The following CFAP43 variants were observed in gnomAD, a reference collection of about 807,000 sequenced individuals.
CFAP43 encodes the protein cilia and flagella associated protein 43, also known as cilia- and flagella-associated protein 43.
CFAP43 carries 155 observed loss-of-function variants against 218.9 expected under a neutral mutation model. That is an observed-to-expected ratio of 0.71 (90% CI 0.62 to 0.81). The LOEUF (loss-of-function observed/expected upper bound fraction) is 0.81, where lower values mean the gene tolerates loss of function less well. CFAP43 is among the 30% of genes least tolerant of loss of function. The probability of loss-of-function intolerance (pLI) is 0.00; values close to 1 mark genes in which losing one functional copy is unlikely to be tolerated. For synonymous variants in CFAP43, 645 were observed against 681.3 expected (o/e 0.95, Z 0.83); for missense variants, 1,778 against 1,954.3 (o/e 0.91, Z 1.70).
At chr10:104,135,621 C>T (rs1264036177) in intron 34 of CFAP43, among the ~76,000 whole-genome samples, 1 of 151,976 alleles carries the variant, frequency 6.6e-6, no homozygotes, top group Non-Finnish European at 1.5e-5. Context: ...TAAATCAATT[C>T]CATTTACAAT....
intron 4 of CFAP43, 101 bp from the exon 5 acceptor site, chr10:104,212,258 T>C: frequency 8.3e-7 from 1 of 1,204,590 alleles, no homozygotes; most frequent in Non-Finnish European, 1.1e-6. Context: ...GTATTATAAC[T>C]TGCAAAAATC....
At chr10:104,191,178 G>A (rs1322717355) in intron 12 of CFAP43, among the ~76,000 whole-genome samples, 3 of 152,028 alleles carry the variant, frequency 2.0e-5, no homozygotes, top group Admixed American at 1.3e-4. Context: ...CTCTAAAAAC[G>A]AAGTCAAATC....
chr10:104,232,100 C>CGGAGGGAGA, intron 1 of CFAP43, 82 bp downstream of exon 1: 1 of 1,490,544 alleles, frequency 6.7e-7, no homozygotes. Context: ...CCTAAGGAAC[C>CGGAGGGAGA]GGAGGGAGAG....
Position 104,232,330 on chromosome 10 carries a change from G to A in CFAP43, c.-84C>T. The stretch of plus-strand genomic sequence containing the variant: ...GTTACCTTTCCGCCGCCGCGGGGCT[G>A]CGGGCCGCGACGCCGCTGCTGTGTA... On this transcript the variant is annotated 5_prime_UTR_variant, in exon 1 of 38. Transcript: ENST00000357060. 7.3e-7 allele frequency: 1 copy of A among 1,366,702 alleles called. No individual in the cohort carries two copies. The allele number at this position is 1,366,702 out of a possible 1,614,324, so 84.7% of individuals were successfully genotyped here. A position where few individuals can be genotyped will look rare whatever the true frequency, so the allele number is the denominator to read the frequency against.
chr10:104,161,198 A>C, intron 26 of CFAP43, 36 bp from the exon 27 acceptor site: 1 of 1,606,100 alleles, frequency 6.2e-7, no homozygotes, highest in Non-Finnish European at 8.5e-7. Flanking sequence ...TTTCAGCTCA[A>C]ACGTTAAATG....
At chr10:104,164,421 G>A in intron 23 of CFAP43, 121 bp from the exon 24 acceptor site, 1 of 712,326 alleles carries the variant, frequency 1.4e-6, no homozygotes, top group Non-Finnish European at 2.2e-6. Flanking sequence ...TTTTTGAGAT[G>A]CAGTCTCGCT....
At chr10:104,166,856 G>T in intron 22 of CFAP43, 138 bp from the exon 23 acceptor site, 1 of 712,376 alleles carries the variant, frequency 1.4e-6, no homozygotes, top group Non-Finnish European at 2.3e-6. Flanking sequence ...TCGAAGTGAT[G>T]AATAGATCCC....
intron 2 of CFAP43, 57 bp downstream of exon 2, chr10:104,230,533 T>A: frequency 1.3e-6 from 2 of 1,550,874 alleles, no homozygotes; most frequent in African/African-American, 1.4e-5. Context: ...ATAGATTTAG[T>A]CAACTCTTTA....
chr10:104,132,744 T>G (rs954178094), intron 35 of CFAP43: 1 of 984,850 alleles, frequency 1.0e-6, no homozygotes, highest in African/African-American at 1.8e-5. Context: ...CTTTATTTTC[T>G]CATTCATTAA....
rs1564794850 is a variant in CFAP43 at position 104,203,752 on chromosome 10, C to T, written c.1015G>A (p.Asp339Asn). The T allele has an allele frequency of 1.2e-6, 2 of 1,610,658 alleles. No homozygotes were observed. Among genetic ancestry groups the T allele is most frequent in the Non-Finnish European group, 1.7e-6 (2 of 1,178,552 alleles). Residue 339 changes from aspartate (D) to asparagine (N), a missense_variant, in exon 8 of 38, where the codon GAT becomes AAT. Transcript: ENST00000357060. Reference sequence around the variant, plus strand: ...ACAGGTCTTTCAATCTCAAGAAAATCCTCGATCATGTAACTTCTATCTTTA... The same window carrying T: ...ACAGGTCTTTCAATCTCAAGAAAATTCTCGATCATGTAACTTCTATCTTTA... ...IIKDRSYMIE[D>N]FLEIERPVEH...
At chr10:104,195,148 C>T in intron 10 of CFAP43, among the ~76,000 whole-genome samples, 1 of 152,230 alleles carries the variant, frequency 6.6e-6, no homozygotes, top group Non-Finnish European at 1.5e-5. Flanking sequence ...TGACACTGTG[C>T]TGCTGGACTG....
intron 17 of CFAP43, among the ~76,000 whole-genome samples, chr10:104,180,172 C>G (rs1441295430): frequency 1.3e-5 from 2 of 152,264 alleles, no homozygotes; most frequent in Admixed American, 1.3e-4. Flanking sequence ...ACCAGTCACA[C>G]TGTCACCACT....
chr10:104,151,500 C>A (rs1336293639), intron 28 of CFAP43, among the ~76,000 whole-genome samples: 3 of 152,080 alleles, frequency 2.0e-5, no homozygotes, highest in Non-Finnish European at 2.9e-5. Flanking sequence ...ATCTAATGAT[C>A]AGTGATGAGC....
intron 12 of CFAP43, among the ~76,000 whole-genome samples, chr10:104,191,179 A>G (rs2090198988): frequency 1.3e-5 from 2 of 152,180 alleles, no homozygotes; most frequent in South Asian, 4.1e-4. Context: ...TCTAAAAACG[A>G]AGTCAAATCA....
Position 104,223,119 on chromosome 10 carries a change from C to A in CFAP43, c.416+2342G>T, listed in dbSNP as rs180945085. Among the ~76,000 whole-genome samples the A allele has an allele frequency of 2.1e-3, 319 of 152,258 alleles. 2 individuals are homozygous for A. The highest frequency in any genetic ancestry group is 1.4e-3 in the South Asian group (7 of 4,830). Reference sequence around the variant, plus strand: ...TGGTGGGCCAGATTTGGCCTATGGGCCATCGTTTACCAACCCCTGCTCAAG... The same window carrying A: ...TGGTGGGCCAGATTTGGCCTATGGGACATCGTTTACCAACCCCTGCTCAAG... On this transcript the variant is annotated intron_variant, in intron 3 of 37. Coordinates refer to ENST00000357060, the MANE Select transcript of CFAP43 (RefSeq NM_025145.7).
intron 22 of CFAP43, 144 bp downstream of exon 22, chr10:104,167,477 T>A (rs369359370): frequency 5.5e-4 from 294 of 536,740 alleles, no homozygotes; most frequent in African/African-American, 5.3e-3. Context: ...GTTATTAGAA[T>A]ATATTCTACA....
intron 27 of CFAP43, 152 bp from the exon 28 acceptor site, chr10:104,152,878 C>T (rs1383796343): frequency 1.3e-6 from 1 of 757,006 alleles, no homozygotes; most frequent in Non-Finnish European, 2.0e-6. Context: ...GAGATGCTCC[C>T]ACTTGGATCT....
At chr10:104,191,789 TG>T (rs34617952) in intron 12 of CFAP43, among the ~76,000 whole-genome samples, 8 of 145,878 alleles carry the variant, frequency 5.5e-5, no homozygotes, top group Admixed American at 2.8e-4. Context: ...ATTGTGTGTG[TG>T]GGGGGGGGGA....
At chr10:104,159,408 T>C (rs1373095072) in intron 27 of CFAP43, among the ~76,000 whole-genome samples, 1 of 152,174 alleles carries the variant, frequency 6.6e-6, no homozygotes, top group East Asian at 1.9e-4. Flanking sequence ...ATGAGAGATG[T>C]ATACAATTAT....
Sources: allele counts gnomAD v4.1 joint callset (sites outside exome capture counted in the v4.1 genomes callset), GRCh38; gene constraint gnomAD v4.1.1; transcripts MANE v1.5; gene names NCBI Gene and HGNC (gene_info 2026-07-23, HGNC 2026-07-21).